The following SLC7A11 variants were observed in gnomAD, a reference collection of about 807,000 sequenced individuals.
SLC7A11 encodes the protein cystine/glutamate transporter.
Under a neutral mutation model 54.5 loss-of-function variants are expected in SLC7A11, and 35 were observed. The ratio of observed to expected loss-of-function variants is 0.64; its 90% confidence interval spans 0.49 to 0.85. SLC7A11 has a LOEUF of 0.85. Ranked by LOEUF, SLC7A11 falls within the 40% of genes least tolerant of loss-of-function variation. The pLI, the probability that SLC7A11 is intolerant of heterozygous loss-of-function variation, is 0.00. For synonymous variants in SLC7A11, 230 were observed against 225.2 expected, an observed-to-expected ratio of 1.02 and a Z score of -0.19; for missense variants, 583 against 618.1, an observed-to-expected ratio of 0.94 and a Z score of 0.60.
chr4:138,214,151 C>T (rs948571909), intron 6 of SLC7A11, among the ~76,000 whole-genome samples: 1 of 151,790 alleles, frequency 6.6e-6, no homozygotes, highest in Non-Finnish European at 1.5e-5. Context: ...AACTAGTCGT[C>T]TATTAATTAC....
intron 3 of SLC7A11, among the ~76,000 whole-genome samples, chr4:138,228,815 A>AAG (rs141730983): frequency 0.028 from 4,257 of 151,604 alleles, 141 homozygotes; most frequent in African/African-American, 0.081. Context: ...ATTGAGCTAT[A>AAG]AGAGAGCAGC....
At chr4:138,225,448 T>C (rs1737925542) in intron 3 of SLC7A11, among the ~76,000 whole-genome samples, 1 of 151,934 alleles carries the variant, frequency 6.6e-6, no homozygotes, top group South Asian at 2.1e-4. Context: ...GGGGGTTATT[T>C]CATCTGTGTT....
intron 6 of SLC7A11, 81 bp downstream of exon 6, chr4:138,214,504 C>G: frequency 4.0e-6 from 3 of 746,352 alleles, no homozygotes; most frequent in Non-Finnish European, 6.5e-6. Flanking sequence ...CACTGAATTC[C>G]TTCTTCAAGT....
At position 138,221,132 on chromosome 4, in the gene SLC7A11, C is replaced by T. The variant is rs144289899; in HGVS notation, c.647-1767G>A. On this transcript the variant is annotated intron_variant, in intron 4 of 11. Coordinates refer to ENST00000280612, the MANE Select transcript of SLC7A11 (RefSeq NM_014331.4). ...GCACAATATTTCTTAGAGTGCAGCA[C>T]CAAATAATCCATAAGAAAAACCAAA... Among the ~76,000 whole-genome samples the T allele has an allele frequency of 1.2e-3, 184 of 152,152 alleles. 1 individual carries two copies. The highest frequency in any genetic ancestry group is 4.2e-3 in the African/African-American group (175 of 41,512).
chr4:138,200,386 T>C (rs188147498), intron 6 of SLC7A11, among the ~76,000 whole-genome samples: 293 of 152,260 alleles, frequency 1.9e-3, no homozygotes, highest in Non-Finnish European at 3.2e-3. Context: ...TTACTTCAAC[T>C]AGCCTAGCAC....
rs554557006 is a variant in SLC7A11, at chr4:138,207,695, G to A, written c.791+6890C>T. 6.6e-5 allele frequency among the ~76,000 whole-genome samples: 10 copies of A among 152,224 alleles called. No homozygotes were observed. The South Asian group carries it at 1.7e-3, about 25-fold the overall frequency. ...CTCCAGCCTGGGCAGCACAGTAAGT[G>A]AGACTCCGTCTCAAAAAATAAAAGG... On this transcript the variant is annotated intron_variant, in intron 6 of 11. Coordinates refer to ENST00000280612, the MANE Select transcript of SLC7A11 (RefSeq NM_014331.4).
At position 138,179,315 on chromosome 4, in the gene SLC7A11, CT is replaced by C; in HGVS notation, c.1345del (p.Ser449ValfsTer10). ...AGTGATGACGAAGCCAATCCCTGTA[CT>C]AAATGGGTCCGAATAGAGGGAAAGG... Reference protein sequence around the residue: ...VALSLYSDPFSTGIGFVITLT... With the variant: ...VALSLYSDPFXTGIGFVITLT... On this transcript the variant is annotated frameshift_variant, in exon 11 of 12. Coordinates refer to ENST00000280612, the MANE Select transcript of SLC7A11 (RefSeq NM_014331.4). LOFTEE classifies it high-confidence loss of function. 6.2e-7 allele frequency: 1 copy of C among 1,612,580 alleles called. No homozygotes were observed. The highest frequency in any genetic ancestry group is 8.5e-7 in the Non-Finnish European group (1 of 1,179,078).
chr4:138,219,080 A>G (rs1378526858), intron 5 of SLC7A11, among the ~76,000 whole-genome samples, 186 bp downstream of exon 5: 1 of 152,154 alleles, frequency 6.6e-6, no homozygotes, highest in Non-Finnish European at 1.5e-5. Flanking sequence ...TGTTATGTTT[A>G]GTTGTCATGT....
chr4:138,209,344 T>C (rs1306595224), intron 6 of SLC7A11, among the ~76,000 whole-genome samples: 1 of 151,960 alleles, frequency 6.6e-6, no homozygotes, highest in African/African-American at 2.4e-5. Context: ...CACATTTATC[T>C]TGGCACATCA....
intron 2 of SLC7A11, among the ~76,000 whole-genome samples, chr4:138,235,541 G>C (rs1237518261): frequency 6.6e-6 from 1 of 152,172 alleles, no homozygotes; most frequent in Non-Finnish European, 1.5e-5. Flanking sequence ...TTTGATAAGA[G>C]CAAGTTTCCC....
At chr4:138,218,713 G>T (rs11100854) in intron 5 of SLC7A11, among the ~76,000 whole-genome samples, 2 of 151,988 alleles carry the variant, frequency 1.3e-5, no homozygotes, top group South Asian at 4.1e-4. Flanking sequence ...AACATGTAAG[G>T]TCCTTTTAAA....
At position 138,165,987 on chromosome 4, in the gene SLC7A11, A is replaced by T. The variant is rs1736246210; in HGVS notation, c.*5969T>A. On this transcript the variant is annotated 3_prime_UTR_variant, in exon 12 of 12. Coordinates refer to ENST00000280612, the MANE Select transcript of SLC7A11 (RefSeq NM_014331.4). ...AGAAAGTTATTTGGGGTAGTACTTG[A>T]AATAATTCATATACACAGTCATTTA... 6.6e-6 allele frequency: 1 copy of T among 152,156 alleles called. No individual in the cohort carries two copies. Among genetic ancestry groups the T allele is most frequent in the Non-Finnish European group, 1.5e-5 (1 of 68,012 alleles). 9.4% of individuals were successfully genotyped at this position (152,156 alleles called of 1,614,324 possible).
chr4:138,214,674 A>G, intron 5 of SLC7A11, 45 bp from the exon 6 acceptor site: 1 of 714,588 alleles, frequency 1.4e-6, no homozygotes, highest in East Asian at 3.5e-5. Context: ...ATATTTTACC[A>G]TTATCCAAAG....
chr4:138,209,436 T>C (rs906342779), intron 6 of SLC7A11, among the ~76,000 whole-genome samples: 3 of 152,020 alleles, frequency 2.0e-5, no homozygotes, highest in African/African-American at 4.8e-5. Flanking sequence ...TAATGCAAAT[T>C]ACACATCTGG....
chr4:138,178,699 C>T (rs1736644262), intron 11 of SLC7A11, among the ~76,000 whole-genome samples: 1 of 152,080 alleles, frequency 6.6e-6, no homozygotes, highest in Non-Finnish European at 1.5e-5. Context: ...CATACATGTG[C>T]ACTCACATGT....
intron 11 of SLC7A11, among the ~76,000 whole-genome samples, chr4:138,174,072 A>G (rs894934574): frequency 6.6e-6 from 1 of 152,188 alleles, no homozygotes; most frequent in Non-Finnish European, 1.5e-5. Flanking sequence ...GACATCATCT[A>G]CAGCCCTGTC....
chr4:138,213,463 T>C (rs369296867), intron 6 of SLC7A11, among the ~76,000 whole-genome samples: 4 of 151,958 alleles, frequency 2.6e-5, no homozygotes, highest in African/African-American at 4.8e-5. Flanking sequence ...GGCTATTTCA[T>C]ACTGATGCAC....
chr4:138,165,602 A>G lies in SLC7A11; in HGVS notation c.*6354T>C, dbSNP rs1578618915. ...TTGAGAAGTTCTAGTGAAAAGTCAT[A>G]CTATTGTGCAAAGATGAAAATTTGG... On this transcript the variant is annotated 3_prime_UTR_variant, in exon 12 of 12. Coordinates refer to ENST00000280612, the MANE Select transcript of SLC7A11 (RefSeq NM_014331.4). The G allele has an allele frequency of 6.6e-6, 1 of 152,198 alleles. No homozygotes were observed. The highest frequency in any genetic ancestry group is 2.4e-5 in the African/African-American group (1 of 41,458). 9.4% of individuals were successfully genotyped at this position (152,198 alleles called of 1,614,324 possible). A position where few individuals can be genotyped will look rare whatever the true frequency, so the allele number is the denominator to read the frequency against.
In SLC7A11 at chr4:138,168,139, A is replaced by G. The variant is rs1295779167; in HGVS notation, c.*3817T>C. ...ATTTTGTGGGGGTAGAAGTGTACACAACTTTGCTGGTCTTCTTCAACAAAA... is the reference window on the plus strand; with the variant it reads ...ATTTTGTGGGGGTAGAAGTGTACACGACTTTGCTGGTCTTCTTCAACAAAA... On this transcript the variant is annotated 3_prime_UTR_variant, in exon 12 of 12. Coordinates refer to ENST00000280612, the MANE Select transcript of SLC7A11 (RefSeq NM_014331.4). 6.6e-6 allele frequency: 1 copy of G among 152,206 alleles called. No homozygotes were observed. Among genetic ancestry groups the G allele is most frequent in the African/African-American group, 2.4e-5 (1 of 41,458 alleles). The allele number at this position is 152,206 out of a possible 1,614,324, so 9.4% of individuals were successfully genotyped here. A position where few individuals can be genotyped will look rare whatever the true frequency, so the allele number is the denominator to read the frequency against.
Sources: allele counts gnomAD v4.1 joint callset (sites outside exome capture counted in the v4.1 genomes callset), GRCh38; gene constraint gnomAD v4.1.1; transcripts MANE v1.5; gene names NCBI Gene and HGNC (gene_info 2026-07-23, HGNC 2026-07-21).